Variants in EFR3B observed in about 807,000 individuals in gnomAD.
EFR3B encodes the protein EFR3 homolog B, also known as protein EFR3 homolog B.
Under a neutral mutation model 104.7 loss-of-function variants are expected in EFR3B, and 64 were observed. The observed-to-expected ratio is 0.61, with a 90% CI of 0.50 to 0.75. EFR3B has a LOEUF of 0.75. EFR3B is among the 30% of genes least tolerant of loss of function. The pLI, the probability that EFR3B is intolerant of heterozygous loss-of-function variation, is 0.00. For synonymous variants in EFR3B, 385 were observed against 417.9 expected, an observed-to-expected ratio of 0.92 and a Z score of 0.96; for missense variants, 750 against 1,078.5, an observed-to-expected ratio of 0.70 and a Z score of 4.27.
intron 4 of EFR3B, among the ~76,000 whole-genome samples, chr2:25,105,265 G>T (rs1669532482): frequency 6.6e-6 from 1 of 152,112 alleles, no homozygotes; most frequent in African/African-American, 2.4e-5. Flanking sequence ...TAATTCTCTT[G>T]CTTCAGCCTC....
intron 4 of EFR3B, among the ~76,000 whole-genome samples, chr2:25,118,549 AAGG>A (rs1669925645): frequency 6.6e-6 from 1 of 151,982 alleles, no homozygotes; most frequent in Admixed American, 6.6e-5. Flanking sequence ...CACAGAAAGG[AAGG>A]AGGGAAGAGG....
rs1250397418 is a variant in EFR3B, at chr2:25,154,382, A to T, written c.*42A>T. 1.3e-6 allele frequency: 2 copies of T among 1,517,658 alleles called. No homozygotes were observed. Among genetic ancestry groups the T allele is most frequent in the East Asian group, 2.5e-5 (1 of 40,692 alleles). The allele number at this position is 1,517,658 out of a possible 1,614,324, so 94.0% of individuals were successfully genotyped here. ...CTCCTCAAGGAGATGGGGTCTGAGGAGGGGCTCACCTCACGCCCACCCCGA... is the reference window on the plus strand; with the variant it reads ...CTCCTCAAGGAGATGGGGTCTGAGGTGGGGCTCACCTCACGCCCACCCCGA... On this transcript the variant is annotated 3_prime_UTR_variant, in exon 23 of 23. Coordinates refer to ENST00000403714, the MANE Select transcript of EFR3B (RefSeq NM_014971.2). This position sits in a 1 kb window ranked among gnomAD's most constrained non-coding sequence, Gnocchi z 4.1.
intron 1 of EFR3B, among the ~76,000 whole-genome samples, chr2:25,044,470 ACTT>A (rs1667664451): frequency 6.6e-6 from 1 of 152,096 alleles, no homozygotes; most frequent in Admixed American, 6.6e-5. Flanking sequence ...AGAATTATAG[ACTT>A]CTTATAATTG....
rs762561664 is a variant in EFR3B at position 25,137,371 on chromosome 2, C to T, written c.1591C>T (p.Leu531=). The T allele has an allele frequency of 1.2e-5, 19 of 1,552,018 alleles. No homozygotes were observed. The highest frequency in any genetic ancestry group is 1.6e-5 in the Non-Finnish European group (18 of 1,147,140). Residue 531 remains leucine (L), a synonymous_variant, in exon 15 of 23, where the codon CTG becomes TTG. Coordinates refer to ENST00000403714, the MANE Select transcript of EFR3B (RefSeq NM_014971.2). The surrounding 1 kb of genome is among the most constrained non-coding windows in gnomAD (Gnocchi z 4.7). ...CCAGCAGCTCTACAGACACATCTAC[C>T]TGAGCTGCAAGGAGGAAACAAACGT... ...HSQQLYRHIY[L]SCKEETNVQK... is the part of the protein sequence containing the mutation.
intron 1 of EFR3B, among the ~76,000 whole-genome samples, chr2:25,083,482 T>C (rs916539485): frequency 6.6e-6 from 1 of 152,194 alleles, no homozygotes; most frequent in Non-Finnish European, 1.5e-5. Context: ...TTCTTTTTAA[T>C]GTCTATTATT....
chr2:25,113,709 G>A (rs1271598919), intron 4 of EFR3B, among the ~76,000 whole-genome samples: 1 of 151,594 alleles, frequency 6.6e-6, no homozygotes, highest in African/African-American at 2.4e-5. Context: ...AAAAGAAATA[G>A]TGACCAGTCA....
chr2:25,125,058 G>T (rs762987637), intron 5 of EFR3B, among the ~76,000 whole-genome samples: 1 of 152,038 alleles, frequency 6.6e-6, no homozygotes, highest in Non-Finnish European at 1.5e-5. Context: ...ACTCCGTGTC[G>T]AAAAATAAAT....
chr2:25,070,623 A>G (rs1409745140), intron 1 of EFR3B, among the ~76,000 whole-genome samples: 1 of 152,210 alleles, frequency 6.6e-6, no homozygotes, highest in Non-Finnish European at 1.5e-5. Context: ...TAAGAAAATG[A>G]AGGAGGAAAG....
intron 12 of EFR3B, among the ~76,000 whole-genome samples, chr2:25,135,112 A>G (rs1203141659): frequency 6.6e-6 from 1 of 152,056 alleles, no homozygotes; most frequent in Non-Finnish European, 1.5e-5. Context: ...TTAATGAGGC[A>G]TTGTGTTCCT....
chr2:25,131,805 C>T lies in EFR3B; in HGVS notation c.1041C>T (p.Ile347=), dbSNP rs1363459829. The part of the protein sequence containing the change: ...NTLLRQLRLS[I]DYALTGSYDG... ...TGCTGAGGCAGCTGCGGCTCAGCAT[C>T]GACTACGCGCTGACCGGGAGCTACG... Residue 347 remains isoleucine, a synonymous_variant, in exon 10 of 23, where the codon ATC becomes ATT. Transcript: ENST00000403714. The surrounding 1 kb of genome is among the most constrained non-coding windows in gnomAD (Gnocchi z 7.6). 3.2e-6 allele frequency: 5 copies of T among 1,548,594 alleles called. No homozygotes were observed. The highest frequency in any genetic ancestry group is 1.7e-4 in the Middle Eastern group (1 of 5,948).
chr2:25,122,692 G>A (rs1034314591), intron 5 of EFR3B, among the ~76,000 whole-genome samples: 7 of 152,138 alleles, frequency 4.6e-5, no homozygotes, highest in Non-Finnish European at 7.4e-5. Flanking sequence ...ATGTCCCCTT[G>A]TCAGTGAAGC....
At chr2:25,098,057 A>G (rs542444663) in intron 3 of EFR3B, among the ~76,000 whole-genome samples, 1 of 152,170 alleles carries the variant, frequency 6.6e-6, no homozygotes, top group African/African-American at 2.4e-5. Context: ...AGGACCCTGA[A>G]CCTGACTGGA....
intron 1 of EFR3B, among the ~76,000 whole-genome samples, chr2:25,065,022 A>G (rs1382730123): frequency 6.6e-6 from 1 of 152,098 alleles, no homozygotes. Flanking sequence ...CTGGTTCCCA[A>G]GGATCTGCAC....
At chr2:25,085,464 TTTTA>T (rs1184976492) in intron 1 of EFR3B, among the ~76,000 whole-genome samples, 2 of 152,078 alleles carry the variant, frequency 1.3e-5, no homozygotes, top group Non-Finnish European at 2.9e-5. Context: ...ATCACAATGA[TTTTA>T]TTTATTTATT....
At position 25,042,517 on chromosome 2, in the gene EFR3B, G is replaced by A; in HGVS notation, c.7+198G>A. The stretch of plus-strand genomic sequence containing the variant: ...AGATGCCTCGGGCCGGGGACCCTGG[G>A]GTCCTCTCCAGGCCCGGCGCGTGCC... On this transcript the variant is annotated intron_variant, in intron 1 of 22. Transcript: ENST00000403714. The surrounding 1 kb of genome is among the most constrained non-coding windows in gnomAD (Gnocchi z 5.4). 1.7e-6 allele frequency: 2 copies of A among 1,208,224 alleles called. No homozygotes were observed. Among genetic ancestry groups the A allele is most frequent in the Non-Finnish European group, 2.1e-6 (2 of 973,110 alleles). The allele number at this position is 1,208,224 out of a possible 1,614,324, so 74.8% of individuals were successfully genotyped here. A position where few individuals can be genotyped will look rare whatever the true frequency, so the allele number is the denominator to read the frequency against.
chr2:25,046,506 C>CTTTTTT (rs531667109), intron 1 of EFR3B, among the ~76,000 whole-genome samples: 13 of 119,106 alleles, frequency 1.1e-4, no homozygotes, highest in East Asian at 3.1e-4. Context: ...AGTACAAAGT[C>CTTTTTT]TTTTTTTTTT....
At chr2:25,134,923 G>T (rs976147895) in intron 12 of EFR3B, among the ~76,000 whole-genome samples, 2 of 152,178 alleles carry the variant, frequency 1.3e-5, no homozygotes, top group African/African-American at 4.8e-5. Flanking sequence ...AGCATGTATG[G>T]CATATCTATT....
chr2:25,065,993 T>C (rs1345469069), intron 1 of EFR3B, among the ~76,000 whole-genome samples: 1 of 152,220 alleles, frequency 6.6e-6, no homozygotes, highest in Non-Finnish European at 1.5e-5. Context: ...TCTACTCTGA[T>C]CACACATGTC....
chr2:25,149,138 C>T (rs1395894141), intron 19 of EFR3B, among the ~76,000 whole-genome samples: 7 of 151,970 alleles, frequency 4.6e-5, no homozygotes, highest in African/African-American at 1.7e-4. Flanking sequence ...ATCATGAGTT[C>T]AGGAGTTCGG....
Sources: gnomAD v4.1 joint callset for allele counts (sites outside exome capture counted in the v4.1 genomes callset) on GRCh38, gnomAD v4.1.1 for gene constraint, Gnocchi (gnomAD v3.1) non-coding constraint, MANE v1.5 for transcripts, NCBI Gene and HGNC (gene_info 2026-07-23, HGNC 2026-07-21) for gene names.